ARHGAP24: variants seen among roughly 807,000 people sequenced by gnomAD.
ARHGAP24 encodes the protein Rho GTPase activating protein 24.
In ARHGAP24, 50 loss-of-function variants were observed where a neutral mutation model predicts 76.4. That is an observed-to-expected ratio of 0.65 (90% confidence interval 0.52 to 0.83). The LOEUF is 0.83. Among genes scored for constraint, ARHGAP24 ranks in the 40% least tolerant of loss-of-function variants. The pLI is 0.00. For synonymous variants in ARHGAP24, 345 were observed against 323.3 expected (o/e 1.07, Z -0.72); for missense variants, 930 against 914.2 (o/e 1.02, Z -0.22).
At position 85,559,656 on chromosome 4, in the gene ARHGAP24, T is replaced by C. The variant is rs914744894; in HGVS notation, c.-20-10866T>C. Among the ~76,000 whole-genome samples the C allele has an allele frequency of 2.6e-5, 4 of 152,322 alleles. No homozygotes were observed. The East Asian group carries it at 7.7e-4, about 29-fold the overall frequency. ...TGGAGTACACACAAAAGCTTAAAAATTGAGATGTTTATAACATCATGTTTC... is the reference window on the plus strand; with the variant it reads ...TGGAGTACACACAAAAGCTTAAAAACTGAGATGTTTATAACATCATGTTTC... On this transcript the variant is annotated intron_variant, in intron 1 of 9. Transcript: ENST00000395184.
In ARHGAP24 at chr4:85,653,704, C is replaced by T. The variant is rs546751595; in HGVS notation, c.181-68181C>T. 1.1e-3 allele frequency among the ~76,000 whole-genome samples: 160 copies of T among 152,146 alleles called. 1 individual carries two copies. The highest frequency in any genetic ancestry group is 3.3e-3 in the African/African-American group (138 of 41,526). ...TTCACCATGTTGGCCAGGCTGGCCT[C>T]CAACTCCTTACCTCAAGTGATCCAC... On this transcript the variant is annotated intron_variant, in intron 2 of 9. Coordinates refer to ENST00000395184, the MANE Select transcript of ARHGAP24 (RefSeq NM_001025616.3).
In ARHGAP24 at chr4:85,967,238, G is replaced by A. The variant is rs200876381; in HGVS notation, c.600-4798G>A. On this transcript the variant is annotated intron_variant, in intron 5 of 9. Coordinates refer to ENST00000395184, the MANE Select transcript of ARHGAP24 (RefSeq NM_001025616.3). ...ACTCAGCAGTTAGAATATACAGAAA[G>A]TGTTACGAAGTAGAAGAAAATGAGG... 8.5e-5 allele frequency among the ~76,000 whole-genome samples: 13 copies of A among 152,252 alleles called. No individual in the cohort carries two copies. The East Asian group carries it at 2.5e-3, about 29-fold the overall frequency.
chr4:85,883,536 C>A (rs932043399), intron 3 of ARHGAP24, among the ~76,000 whole-genome samples: 7 of 152,036 alleles, frequency 4.6e-5, no homozygotes, highest in Admixed American at 2.6e-4. Flanking sequence ...TCTGCATGTG[C>A]AGGGGGTAGA....
chr4:85,575,779 G>A (rs1164998476), intron 2 of ARHGAP24, among the ~76,000 whole-genome samples: 1 of 152,140 alleles, frequency 6.6e-6, no homozygotes, highest in East Asian at 1.9e-4. Flanking sequence ...CTTCTATTAT[G>A]TAGCATATTA....
chr4:85,545,554 C>T (rs1725889479), intron 1 of ARHGAP24, among the ~76,000 whole-genome samples: 1 of 152,174 alleles, frequency 6.6e-6, no homozygotes, highest in African/African-American at 2.4e-5. Context: ...CTGCTTTCTG[C>T]AAAGGATGCG....
At chr4:85,882,861 G>A (rs1198461073) in intron 3 of ARHGAP24, among the ~76,000 whole-genome samples, 1 of 152,140 alleles carries the variant, frequency 6.6e-6, no homozygotes, top group African/African-American at 2.4e-5. Flanking sequence ...ACCTAAAACA[G>A]AATTTGCCCA....
chr4:85,720,166 TG>T (rs1385277237), intron 2 of ARHGAP24, among the ~76,000 whole-genome samples: 50 of 152,094 alleles, frequency 3.3e-4, no homozygotes, highest in Admixed American at 1.6e-3. Flanking sequence ...CTAATGTAAA[TG>T]ACAAGTTAAT....
chr4:85,867,728 A>G (rs1210241264), intron 3 of ARHGAP24, among the ~76,000 whole-genome samples: 1 of 151,466 alleles, frequency 6.6e-6, no homozygotes, highest in Non-Finnish European at 1.5e-5. Flanking sequence ...AGACAATAAT[A>G]ATCTAGATGA....
chr4:85,803,181 C>A (rs1323825353), intron 3 of ARHGAP24, among the ~76,000 whole-genome samples: 1 of 152,186 alleles, frequency 6.6e-6, no homozygotes, highest in Non-Finnish European at 1.5e-5. Flanking sequence ...TTCATGTGAA[C>A]TTCAGAATAC....
At chr4:85,623,900 G>C (rs1720819316) in intron 2 of ARHGAP24, among the ~76,000 whole-genome samples, 3 of 149,402 alleles carry the variant, frequency 2.0e-5, no homozygotes, top group African/African-American at 7.4e-5. Flanking sequence ...TCTGTTATTG[G>C]TGTATAAGAA....
chr4:85,980,992 A>T (rs1245299406), intron 8 of ARHGAP24, among the ~76,000 whole-genome samples: 1 of 152,222 alleles, frequency 6.6e-6, no homozygotes, highest in African/African-American at 2.4e-5. Context: ...GAATGTTCTT[A>T]CTGAACAGTA....
chr4:85,542,914 ACG>A lies in ARHGAP24; in HGVS notation c.-20-27607_-20-27606del, dbSNP rs1454400246. Among the ~76,000 whole-genome samples the A allele has an allele frequency of 1.8e-3, 267 of 152,322 alleles. 1 individual carries two copies. The highest frequency in any genetic ancestry group is 6.0e-3 in the African/African-American group (248 of 41,580). Reference sequence around the variant, plus strand: ...GGATGATAATAATAGCATCTATTTAACGGGGTTATTGTGAGGATTATGTGAGT... The same window carrying A: ...GGATGATAATAATAGCATCTATTTAAGGGTTATTGTGAGGATTATGTGAGT... On this transcript the variant is annotated intron_variant, in intron 1 of 9. Transcript: ENST00000395184.
intron 6 of ARHGAP24, among the ~76,000 whole-genome samples, chr4:85,973,684 TG>T (rs1739123933): frequency 6.6e-6 from 1 of 152,200 alleles, no homozygotes; most frequent in South Asian, 2.1e-4. Context: ...TGATTCACTT[TG>T]AGTTCATTTT....
chr4:85,534,423 C>T (rs1370839897), intron 1 of ARHGAP24, among the ~76,000 whole-genome samples: 1 of 152,098 alleles, frequency 6.6e-6, no homozygotes, highest in Non-Finnish European at 1.5e-5. Context: ...GCATTCTCAC[C>T]AGGTCTCCCC....
At chr4:85,832,932 G>A (rs1730069472) in intron 3 of ARHGAP24, among the ~76,000 whole-genome samples, 1 of 152,082 alleles carries the variant, frequency 6.6e-6, no homozygotes, top group South Asian at 2.1e-4. Context: ...TGTCCGAGGT[G>A]GGCCTTTCTC....
At chr4:85,602,184 G>T (rs1358187015) in intron 2 of ARHGAP24, among the ~76,000 whole-genome samples, 1 of 152,160 alleles carries the variant, frequency 6.6e-6, no homozygotes, top group Non-Finnish European at 1.5e-5. Context: ...ATAAAACTCT[G>T]CATGGAACAT....
chr4:85,695,877 A>G (rs1330187936), intron 2 of ARHGAP24, among the ~76,000 whole-genome samples: 2 of 152,198 alleles, frequency 1.3e-5, no homozygotes, highest in African/African-American at 4.8e-5. Flanking sequence ...AGCAAATACA[A>G]TTCCATAGAG....
chr4:85,856,716 C>T (rs1731595662), intron 3 of ARHGAP24, among the ~76,000 whole-genome samples: 1 of 152,128 alleles, frequency 6.6e-6, no homozygotes, highest in South Asian at 2.1e-4. Context: ...GTGATCCACT[C>T]ACCTTGGCCT....
At chr4:85,962,219 C>G (rs1293703145) in intron 5 of ARHGAP24, among the ~76,000 whole-genome samples, 5 of 152,016 alleles carry the variant, frequency 3.3e-5, no homozygotes, top group Non-Finnish European at 7.4e-5. Context: ...AAAATTGGAA[C>G]AGCTATGTAA....
Sources: allele counts gnomAD v4.1 joint callset (sites outside exome capture counted in the v4.1 genomes callset), GRCh38; gene constraint gnomAD v4.1.1; transcripts MANE v1.5; gene names NCBI Gene and HGNC (gene_info 2026-07-23, HGNC 2026-07-21).